Variants in RANBP17 observed in about 807,000 individuals in gnomAD.
RANBP17 encodes the protein RAN binding protein 17.
Under a neutral mutation model 141.2 loss-of-function variants are expected in RANBP17, and 158 were observed. That is an observed-to-expected ratio of 1.12 (90% CI 0.98 to 1.28). The LOEUF (loss-of-function observed/expected upper bound fraction) is 1.28. Among genes scored for constraint, RANBP17 ranks in the 50% most tolerant of loss-of-function variants. The probability of loss-of-function intolerance (pLI) is 0.00; values close to 1 mark genes in which losing one functional copy is unlikely to be tolerated. For synonymous variants in RANBP17, 430 were observed against 450.0 expected (o/e 0.96, Z 0.56); for missense variants, 1,438 against 1,290.7 (o/e 1.11, Z -1.75).
intron 14 of RANBP17, among the ~76,000 whole-genome samples, chr5:171,157,064 G>A (rs180842970): frequency 6.6e-6 from 1 of 152,118 alleles, no homozygotes; most frequent in South Asian, 2.1e-4. Context: ...TTTAAAGGAG[G>A]TTTTTAAAAT....
chr5:170,967,303 G>A (rs970662480), intron 13 of RANBP17, among the ~76,000 whole-genome samples: 2 of 152,060 alleles, frequency 1.3e-5, no homozygotes, highest in African/African-American at 4.8e-5. Flanking sequence ...AATAATGTGT[G>A]TATATATGTT....
At chr5:170,911,381 G>A in intron 7 of RANBP17, 5 of 576,686 alleles carry the variant, frequency 8.7e-6, no homozygotes, top group Non-Finnish European at 1.5e-5. Flanking sequence ...ATGGAGAGCA[G>A]ATTTGGGAGG....
chr5:171,027,709 A>T (rs903201628), intron 14 of RANBP17, among the ~76,000 whole-genome samples: 4 of 152,050 alleles, frequency 2.6e-5, no homozygotes, highest in Non-Finnish European at 5.9e-5. Context: ...AGTGATTTTT[A>T]TCACAATGAT....
intron 3 of RANBP17, among the ~76,000 whole-genome samples, chr5:170,886,698 A>G (rs1769192462): frequency 8.3e-6 from 1 of 120,504 alleles, no homozygotes; most frequent in Non-Finnish European, 1.6e-5. Context: ...TCACTTTGTC[A>G]CTGAGGCTGG....
At chr5:171,056,259 C>CAGGTT (rs1783364948) in intron 14 of RANBP17, among the ~76,000 whole-genome samples, 2 of 152,104 alleles carry the variant, frequency 1.3e-5, no homozygotes, top group African/African-American at 4.8e-5. Context: ...ATTCTAATGC[C>CAGGTT]ACAGTCTCCA....
intron 14 of RANBP17, among the ~76,000 whole-genome samples, chr5:171,050,688 T>TA (rs113902744): frequency 0.049 from 7,321 of 149,758 alleles, 453 homozygotes; most frequent in African/African-American, 0.13. Context: ...GACCCTATCT[T>TA]AAAAAAAAAA....
chr5:171,252,722 C>G, intron 24 of RANBP17: 2 of 1,451,396 alleles, frequency 1.4e-6, no homozygotes, highest in Non-Finnish European at 1.9e-6. Context: ...AGCCTTGTTG[C>G]TGTTGTGGTT....
intron 14 of RANBP17, among the ~76,000 whole-genome samples, chr5:170,998,723 G>A (rs557184146): frequency 6.6e-6 from 1 of 152,108 alleles, no homozygotes; most frequent in South Asian, 2.1e-4. Context: ...AAATCAAATC[G>A]TCTCTTATGG....
intron 24 of RANBP17, among the ~76,000 whole-genome samples, chr5:171,244,685 G>A (rs113068123): frequency 0.12 from 18,313 of 152,076 alleles, 1,432 homozygotes; most frequent in East Asian, 0.17. Context: ...GACCTCAAGC[G>A]ATACACCCAC....
At chr5:171,061,302 A>G (rs1292391049) in intron 14 of RANBP17, among the ~76,000 whole-genome samples, 79 of 151,962 alleles carry the variant, frequency 5.2e-4, no homozygotes, top group Middle Eastern at 6.9e-3. Flanking sequence ...GGCATTTAGT[A>G]CTATAAATTT....
At chr5:171,062,750 A>T (rs1481323483) in intron 14 of RANBP17, among the ~76,000 whole-genome samples, 1 of 152,188 alleles carries the variant, frequency 6.6e-6, no homozygotes, top group African/African-American at 2.4e-5. Flanking sequence ...TATCCTGCAG[A>T]GTGTTTTCCA....
chr5:171,162,319 A>G (rs1481284490), intron 14 of RANBP17, among the ~76,000 whole-genome samples: 1 of 152,122 alleles, frequency 6.6e-6, no homozygotes, highest in African/African-American at 2.4e-5. Context: ...AGCTGGTTGC[A>G]CCACAGGAGT....
At chr5:171,209,491 T>A (rs1762754526) in intron 20 of RANBP17, among the ~76,000 whole-genome samples, 1 of 151,180 alleles carries the variant, frequency 6.6e-6, no homozygotes, top group South Asian at 2.1e-4. Context: ...CAGCAAGCTA[T>A]TTTTTTTTAG....
At chr5:171,217,061 T>C (rs972806026) in intron 21 of RANBP17, among the ~76,000 whole-genome samples, 2 of 152,190 alleles carry the variant, frequency 1.3e-5, no homozygotes, top group African/African-American at 2.4e-5. Context: ...CATTAATAGC[T>C]CTTATTATTT....
chr5:171,039,944 A>G (rs1474237718), intron 14 of RANBP17, among the ~76,000 whole-genome samples: 2 of 152,172 alleles, frequency 1.3e-5, no homozygotes, highest in Non-Finnish European at 2.9e-5. Flanking sequence ...TACCACATGT[A>G]CATAGAAGAG....
chr5:171,010,792 T>G (rs1230135124), intron 14 of RANBP17, among the ~76,000 whole-genome samples: 1 of 152,070 alleles, frequency 6.6e-6, no homozygotes, highest in African/African-American at 2.4e-5. Context: ...TACCAGTAAA[T>G]TTGACAACTT....
At chr5:171,137,572 A>ATGTGTGTGTGTGTG (rs140713117) in intron 14 of RANBP17, among the ~76,000 whole-genome samples, 206 of 141,102 alleles carry the variant, frequency 1.5e-3, no homozygotes, top group Non-Finnish European at 1.2e-3. Context: ...TTGACTTGAG[A>ATGTGTGTGTGTGTG]TGTGTGTGTG....
chr5:171,007,742 G>A (rs757767346), intron 14 of RANBP17, among the ~76,000 whole-genome samples: 6 of 152,118 alleles, frequency 3.9e-5, no homozygotes, highest in African/African-American at 7.2e-5. Flanking sequence ...AACCATTGTC[G>A]AGTTTGTACT....
At chr5:171,009,513 A>G (rs1171657624) in intron 14 of RANBP17, among the ~76,000 whole-genome samples, 1 of 152,178 alleles carries the variant, frequency 6.6e-6, no homozygotes, top group East Asian at 1.9e-4. Flanking sequence ...TGTAGTGTTC[A>G]TCAGATTCAT....
Sources: gnomAD v4.1 joint callset for allele counts (sites outside exome capture counted in the v4.1 genomes callset) on GRCh38, gnomAD v4.1.1 for gene constraint, MANE v1.5 for transcripts, NCBI Gene and HGNC (gene_info 2026-07-23, HGNC 2026-07-21) for gene names.